Variants in AFAP1L2 observed in about 807,000 individuals in gnomAD.
AFAP1L2 encodes the protein actin filament associated protein 1 like 2.
In AFAP1L2, 46 loss-of-function variants were observed where a neutral mutation model predicts 99.3. The ratio of observed to expected loss-of-function variants is 0.46; its 90% confidence interval spans 0.37 to 0.59. The LOEUF (loss-of-function observed/expected upper bound fraction) is 0.59. AFAP1L2 is among the 20% of genes least tolerant of loss of function. The pLI, the probability that AFAP1L2 is intolerant of heterozygous loss-of-function variation, is 0.00. For missense variants in AFAP1L2, 959 were observed against 1,034.9 expected, an observed-to-expected ratio of 0.93 and a Z score of 1.01; for synonymous variants, 397 against 419.1, an observed-to-expected ratio of 0.95 and a Z score of 0.64.
rs960139011 is a variant in AFAP1L2 at position 114,368,468 on chromosome 10, G to A, written c.17-27737C>T. Among the ~76,000 whole-genome samples the A allele has an allele frequency of 3.0e-4, 45 of 152,106 alleles. 2 individuals carry two copies. The highest frequency in any genetic ancestry group is 2.0e-3 in the Admixed American group (31 of 15,272). ...AGGGTCTCGTACCATCACCCAGGCT[G>A]GAATGCAATGGCAGGATCATGGCTC... is the stretch of plus-strand genomic sequence containing the variant. On this transcript the variant is annotated intron_variant, in intron 1 of 18. Coordinates refer to ENST00000304129, the MANE Select transcript of AFAP1L2 (RefSeq NM_001001936.3).
At chr10:114,388,457 C>T (rs892949443) in intron 1 of AFAP1L2, among the ~76,000 whole-genome samples, 2 of 152,182 alleles carry the variant, frequency 1.3e-5, no homozygotes, top group Non-Finnish European at 2.9e-5. Context: ...CCCACCATCA[C>T]CAAGTTACTC....
At chr10:114,336,668 A>G (rs1473800601) in intron 2 of AFAP1L2, among the ~76,000 whole-genome samples, 1 of 139,662 alleles carries the variant, frequency 7.2e-6, no homozygotes, top group Non-Finnish European at 1.5e-5. Flanking sequence ...AGGGGCAGCC[A>G]CTGAAATGTC....
intron 1 of AFAP1L2, among the ~76,000 whole-genome samples, chr10:114,394,553 G>C (rs1297601626): frequency 6.6e-6 from 1 of 152,126 alleles, no homozygotes; most frequent in Non-Finnish European, 1.5e-5. Context: ...GACCTGAATG[G>C]AAGTGGTAGA....
At chr10:114,285,866 G>C in the AFAP1L2 span, 1 of 1,424,370 alleles carries the variant, frequency 7.0e-7, no homozygotes, top group Non-Finnish European at 9.4e-7. Context: ...GGAGATGTTC[G>C]GCATCTCGGG....
chr10:114,355,347 C>G (rs1011322663), intron 1 of AFAP1L2, among the ~76,000 whole-genome samples: 1 of 151,762 alleles, frequency 6.6e-6, no homozygotes, highest in Non-Finnish European at 1.5e-5. Flanking sequence ...CTCCGCCTCC[C>G]GGATTCACAC....
intron 1 of AFAP1L2, among the ~76,000 whole-genome samples, chr10:114,359,334 T>C (rs962926664): frequency 2.0e-5 from 3 of 152,240 alleles, no homozygotes; most frequent in Non-Finnish European, 4.4e-5. Context: ...ATATGACTTC[T>C]GATAAAGTTA....
chr10:114,366,233 A>C (rs2136774159), intron 1 of AFAP1L2, among the ~76,000 whole-genome samples: 1 of 152,328 alleles, frequency 6.6e-6, no homozygotes, highest in Middle Eastern at 3.4e-3. Flanking sequence ...TGTCATATAC[A>C]CGCGAAATAC....
chr10:114,384,901 A>G (rs976244226), intron 1 of AFAP1L2, among the ~76,000 whole-genome samples: 7 of 152,212 alleles, frequency 4.6e-5, no homozygotes, highest in African/African-American at 1.7e-4. Flanking sequence ...CCTCTTGGGA[A>G]TGATCAGGAA....
chr10:114,289,443 C>T, the AFAP1L2 span: 64 of 1,614,054 alleles, frequency 4.0e-5, no homozygotes, highest in Middle Eastern at 1.6e-4. Flanking sequence ...CAGCTTACGC[C>T]GACCTGCGGT....
At chr10:114,393,553 T>C (rs879642357) in intron 1 of AFAP1L2, 3 of 152,170 alleles carry the variant, frequency 2.0e-5, no homozygotes, top group Non-Finnish European at 4.4e-5. Flanking sequence ...CCGAAGCCTC[T>C]TTCATCGTGA....
At chr10:114,404,569 G>A (rs916677850), upstream of AFAP1L2, 9 of 1,354,784 alleles carry the variant, frequency 6.6e-6, no homozygotes, top group South Asian at 1.8e-5. Flanking sequence ...GCTCGCGGCC[G>A]GACCTCCTGG....
At chr10:114,302,236 G>T (rs1405438016) in intron 12 of AFAP1L2, 103 bp downstream of exon 12, 3 of 1,496,716 alleles carry the variant, frequency 2.0e-6, no homozygotes. Flanking sequence ...GCAGAGTGGG[G>T]TGGGACCCTG....
At chr10:114,325,875 C>T (rs1023389745) in intron 4 of AFAP1L2, 3 of 1,286,442 alleles carry the variant, frequency 2.3e-6, no homozygotes, top group Non-Finnish European at 3.0e-6. Context: ...GGAAAGGGTC[C>T]TCTCGCCTCT....
intron 1 of AFAP1L2, among the ~76,000 whole-genome samples, chr10:114,349,555 GAAAAAA>G (rs200302338): frequency 8.1e-6 from 1 of 123,782 alleles, no homozygotes; most frequent in Non-Finnish European, 1.6e-5. Context: ...TTGTCGCTTG[GAAAAAA>G]AAAAAAAAAA....
intron 1 of AFAP1L2, among the ~76,000 whole-genome samples, chr10:114,369,814 T>C (rs924847428): frequency 2.6e-5 from 4 of 152,170 alleles, no homozygotes; most frequent in Admixed American, 2.0e-4. Flanking sequence ...GTATAAATAC[T>C]TCATTGTGCC....
intron 12 of AFAP1L2, chr10:114,301,875 T>C: frequency 3.9e-6 from 1 of 257,216 alleles, no homozygotes; most frequent in Non-Finnish European, 7.6e-6. Context: ...CTGATTCTGT[T>C]TCAGTGGCTC....
At chr10:114,338,781 G>A (rs2048351067) in intron 2 of AFAP1L2, among the ~76,000 whole-genome samples, 1 of 152,194 alleles carries the variant, frequency 6.6e-6, no homozygotes, top group Non-Finnish European at 1.5e-5. Flanking sequence ...ACTTTCTGGA[G>A]GATGGAAATG....
intron 7 of AFAP1L2, among the ~76,000 whole-genome samples, chr10:114,311,751 C>T (rs889443058): frequency 4.6e-5 from 7 of 152,212 alleles, no homozygotes; most frequent in Non-Finnish European, 7.3e-5. Context: ...CTGGGAAAAG[C>T]CCTGCCTTGT....
chr10:114,312,641 G>A (rs11813820), intron 7 of AFAP1L2, among the ~76,000 whole-genome samples: 2 of 152,220 alleles, frequency 1.3e-5, no homozygotes, highest in African/African-American at 2.4e-5. Flanking sequence ...AAACAGGGGT[G>A]AAGCCAGGAT....
Sources: gnomAD v4.1 joint callset for allele counts (sites outside exome capture counted in the v4.1 genomes callset) on GRCh38, gnomAD v4.1.1 for gene constraint, MANE v1.5 for transcripts, NCBI Gene and HGNC (gene_info 2026-07-23, HGNC 2026-07-21) for gene names.